Variants in RNF8 observed in about 807,000 individuals in gnomAD.
The protein encoded by RNF8 is ring finger protein 8.
In RNF8, 8 loss-of-function variants were observed where a neutral mutation model predicts 59.3. That is an observed-to-expected ratio of 0.13 (90% CI 0.08 to 0.24). RNF8 has a LOEUF of 0.24. Ranked by LOEUF, RNF8 falls within the 10% of genes least tolerant of loss-of-function variation. RNF8 has a pLI of 1.00. For missense variants in RNF8, 406 were observed against 572.6 expected, an observed-to-expected ratio of 0.71 and a Z score of 2.97; for synonymous variants, 162 against 200.0, an observed-to-expected ratio of 0.81 and a Z score of 1.60.
intron 2 of RNF8, chr6:37,361,097 C>A: frequency 8.4e-6 from 3 of 355,098 alleles, no homozygotes; most frequent in Non-Finnish European, 1.1e-5. Context: ...CTCCTTTAAA[C>A]AAATTTGAAA....
intron 7 of RNF8, among the ~76,000 whole-genome samples, chr6:37,388,874 A>T (rs943828899): frequency 6.6e-6 from 1 of 151,096 alleles, no homozygotes; most frequent in East Asian, 1.9e-4. Flanking sequence ...TTAAGTCTCC[A>T]GTAAGCTGTG....
At chr6:37,366,518 G>T (rs980386129) in intron 2 of RNF8, among the ~76,000 whole-genome samples, 2 of 152,050 alleles carry the variant, frequency 1.3e-5, no homozygotes, top group African/African-American at 2.4e-5. Context: ...CCAATGCACA[G>T]TGGGTTAAGA....
intron 3 of RNF8, chr6:37,370,241 T>C (rs1769748829): frequency 6.6e-6 from 1 of 152,234 alleles, no homozygotes; most frequent in South Asian, 2.1e-4. Context: ...GAACTGACAG[T>C]ATTAGCAAAG....
chr6:37,370,469 C>G (rs1198471697), intron 3 of RNF8, among the ~76,000 whole-genome samples: 3 of 152,192 alleles, frequency 2.0e-5, no homozygotes, highest in African/African-American at 7.2e-5. Context: ...CTGCTCTGGA[C>G]ATGCCTCAAG....
At chr6:37,356,146 T>G (rs1265841682) in intron 1 of RNF8, among the ~76,000 whole-genome samples, 2 of 152,198 alleles carry the variant, frequency 1.3e-5, no homozygotes, top group African/African-American at 2.4e-5. Flanking sequence ...TCTAAACCAT[T>G]TGATAGTTCT....
chr6:37,354,390 C>A, intron 1 of RNF8, 115 bp downstream of exon 1: 1 of 812,680 alleles, frequency 1.2e-6, no homozygotes, highest in Non-Finnish European at 1.9e-6. Context: ...AGGCGGGCAT[C>A]AGGAAGAGGA....
At chr6:37,359,248 A>C in intron 1 of RNF8, 1 of 451,918 alleles carries the variant, frequency 2.2e-6, no homozygotes, top group Non-Finnish European at 4.4e-6. Flanking sequence ...CTTCTTTTCA[A>C]CCTTTTCCGG....
rs61224837 is a variant in RNF8, at chr6:37,367,142, G to A, written c.241-1342G>A. 3.7e-3 allele frequency among the ~76,000 whole-genome samples: 560 copies of A among 152,322 alleles called. 3 individuals carry two copies. Among genetic ancestry groups the A allele is most frequent in the African/African-American group, 0.013 (526 of 41,580 alleles). ...CATAGTAATAGTAGTGAACACTTACGTAATACGATGCCCAGGCACTGTCTA... is the reference window on the plus strand; with the variant it reads ...CATAGTAATAGTAGTGAACACTTACATAATACGATGCCCAGGCACTGTCTA... On this transcript the variant is annotated intron_variant, in intron 2 of 7. Coordinates refer to ENST00000373479, the MANE Select transcript of RNF8 (RefSeq NM_003958.4).
At chr6:37,382,160 G>A (rs375687120) in intron 7 of RNF8, among the ~76,000 whole-genome samples, 20 of 152,078 alleles carry the variant, frequency 1.3e-4, no homozygotes, top group Non-Finnish European at 2.5e-4. Flanking sequence ...CAGCCCTTAC[G>A]GCACAAACAG....
intron 7 of RNF8, among the ~76,000 whole-genome samples, chr6:37,389,661 GAA>G (rs1770647915): frequency 6.6e-6 from 1 of 151,992 alleles, no homozygotes; most frequent in African/African-American, 2.4e-5. Context: ...TTTAAGAGGA[GAA>G]GTGTGCATTC....
At position 37,368,838 on chromosome 6, in the gene RNF8, C is replaced by G. The variant is rs755508030; in HGVS notation, c.595C>G (p.Pro199Ala). ...SQGKGEVAST[P>A]SDNLDPKLTA... Reference sequence around the variant, plus strand: ...GGGGAAAGGTGAAGTGGCCAGTACACCCTCTGACAATTTGGATCCTAAGTT... The same window carrying G: ...GGGGAAAGGTGAAGTGGCCAGTACAGCCTCTGACAATTTGGATCCTAAGTT... Residue 199 changes from proline (P) to alanine (A), a missense_variant, in exon 3 of 8, where the codon CCC (proline) becomes GCC (alanine). Around this residue, in one of 3 missense-constraint regions of RNF8, gnomAD observed 285 missense variants for 342.0 expected, o/e 0.83. Coordinates refer to ENST00000373479, the MANE Select transcript of RNF8 (RefSeq NM_003958.4). 1 of 1,614,100 alleles carries G rather than the reference C, an allele frequency of 6.2e-7. No individual in the cohort carries two copies. The highest frequency in any genetic ancestry group is 1.7e-5 in the Admixed American group (1 of 60,012).
At chr6:37,381,633 TAC>T (rs1045854252) in intron 7 of RNF8, among the ~76,000 whole-genome samples, 2 of 152,188 alleles carry the variant, frequency 1.3e-5, no homozygotes, top group African/African-American at 2.4e-5. Flanking sequence ...TTTAAAAAAA[TAC>T]ACACAGTCAG....
At position 37,391,782 on chromosome 6, in the gene RNF8, A is replaced by G. The variant is rs944620322; in HGVS notation, c.*1024A>G. 1 of 152,274 alleles carries G rather than the reference A, an allele frequency of 6.6e-6. No individual in the cohort carries two copies. Among genetic ancestry groups the G allele is most frequent in the Non-Finnish European group, 1.5e-5 (1 of 68,104 alleles). The allele number at this position is 152,274 out of a possible 1,614,324, so 9.4% of individuals were successfully genotyped here. ...ATCCTCCCACCTCAACCTCCCAAGT[A>G]GCTGGGACTACAGGCATATGCCATC... is the stretch of plus-strand genomic sequence containing the variant. On this transcript the variant is annotated 3_prime_UTR_variant, in exon 8 of 8. Coordinates refer to ENST00000373479, the MANE Select transcript of RNF8 (RefSeq NM_003958.4).
intron 1 of RNF8, among the ~76,000 whole-genome samples, chr6:37,358,366 C>T (rs796951873): frequency 3.3e-4 from 51 of 152,272 alleles, no homozygotes; most frequent in African/African-American, 1.2e-3. Context: ...AAAATTTTTA[C>T]ATTTCTATTC....
rs1769026840 is a variant in RNF8 at position 37,354,316 on chromosome 6, G to C, written c.111+41G>C. 7 of 1,459,430 alleles carry C rather than the reference G, an allele frequency of 4.8e-6. No homozygotes were observed. The Admixed American group carries it at 1.5e-4, about 31-fold the overall frequency. 90.4% of individuals were successfully genotyped at this position (1,459,430 alleles called of 1,614,324 possible). On this transcript the variant is annotated intron_variant, in intron 1 of 7. Coordinates refer to ENST00000373479, the MANE Select transcript of RNF8 (RefSeq NM_003958.4). ...TCCTGTGGAGCGGAGGGCAGGGGCT[G>C]GAGGGAGCGGGGCTCCGGGGAGGGA...
At chr6:37,362,831 C>T (rs988532682) in intron 2 of RNF8, among the ~76,000 whole-genome samples, 3 of 152,146 alleles carry the variant, frequency 2.0e-5, no homozygotes, top group African/African-American at 7.2e-5. Context: ...AGTATAGATA[C>T]AAAAATTGCA....
At chr6:37,379,614 C>G (rs564175568) in intron 6 of RNF8, among the ~76,000 whole-genome samples, 8 of 152,336 alleles carry the variant, frequency 5.3e-5, no homozygotes, top group African/African-American at 1.9e-4. Context: ...TACAGGCTTC[C>G]TTTTGCTTTC....
At chr6:37,383,676 C>T (rs1284869143) in intron 7 of RNF8, among the ~76,000 whole-genome samples, 1 of 152,136 alleles carries the variant, frequency 6.6e-6, no homozygotes, top group Non-Finnish European at 1.5e-5. Flanking sequence ...AGCCATTGAT[C>T]TCTTGTGTGA....
Position 37,360,426 on chromosome 6 carries a change from G to T in RNF8, c.112-20G>T. Reference sequence around the variant, plus strand: ...AGCACAATGACTGATGGTATTTCTTGCATTGTTGTTGTCTCCCAGGTGACT... The same window carrying T: ...AGCACAATGACTGATGGTATTTCTTTCATTGTTGTTGTCTCCCAGGTGACT... On this transcript the variant is annotated intron_variant, in intron 1 of 7. Transcript: ENST00000373479. This position sits in a 1 kb window ranked among gnomAD's most constrained non-coding sequence, Gnocchi z 4.2. 5 of 1,596,870 alleles carry T rather than the reference G, an allele frequency of 3.1e-6. No homozygotes were observed. The highest frequency in any genetic ancestry group is 4.2e-6 in the Non-Finnish European group (5 of 1,179,308).
Sources: allele counts gnomAD v4.1 joint callset (sites outside exome capture counted in the v4.1 genomes callset), GRCh38; gene constraint gnomAD v4.1.1; regional missense constraint gnomAD v4.1.1; non-coding constraint Gnocchi (gnomAD v3.1); transcripts MANE v1.5; gene names NCBI Gene and HGNC (gene_info 2026-07-23, HGNC 2026-07-21).